Variants in PTPRU observed in about 807,000 individuals in gnomAD.
PTPRU encodes protein tyrosine phosphatase receptor type U.
Under a neutral mutation model 166.3 loss-of-function variants are expected in PTPRU, and 69 were observed. That is an observed-to-expected ratio of 0.41 (90% CI 0.34 to 0.51). The LOEUF is 0.51. Ranked by LOEUF, PTPRU falls within the 20% of genes least tolerant of loss-of-function variation. PTPRU has a pLI of 0.09. For synonymous variants in PTPRU, 793 were observed against 814.0 expected, an observed-to-expected ratio of 0.97 and a Z score of 0.44; for missense variants, 1,657 against 2,013.7, an observed-to-expected ratio of 0.82 and a Z score of 3.39.
At chr1:29,282,336 A>T (rs1686116446) in intron 11 of PTPRU, among the ~76,000 whole-genome samples, 1 of 152,190 alleles carries the variant, frequency 6.6e-6, no homozygotes. Flanking sequence ...CTCATGGAGG[A>T]AGCAGGCTGG....
At position 29,305,357 on chromosome 1, in the gene PTPRU, C is replaced by A. The variant is rs761326912; in HGVS notation, c.2749C>A (p.Arg917=). 1 of 1,613,812 alleles carries A rather than the reference C, an allele frequency of 6.2e-7. No homozygotes were observed. Among genetic ancestry groups the A allele is most frequent in the Non-Finnish European group, 8.5e-7 (1 of 1,180,026 alleles). The change falls in exon 18 of 30, where the codon CGG becomes AGG. Residue 917 remains arginine, a synonymous_variant. Coordinates refer to ENST00000373779, the MANE Select transcript of PTPRU (RefSeq NM_133178.4). ...CACCTGCTCTGTGTTTACAGATGAT[C>A]GGCACCGAGTGAAACTGCACCCGAT... ...SRQEPMPAYD[R]HRVKLHPMLG... is the part of the protein sequence containing the mutation.
Position 29,257,287 on chromosome 1 carries a change from A to G in PTPRU, c.206-1218A>G, listed in dbSNP as rs1684813918. Among the ~76,000 whole-genome samples, 1 of 152,018 alleles carries G rather than the reference A, an allele frequency of 6.6e-6. No homozygotes were observed. The highest frequency in any genetic ancestry group is 1.5e-5 in the Non-Finnish European group (1 of 67,968). ...GAGAAGTGCCCCTTCCTGGGTGGGG[A>G]TGGGGACTTGAGTTTAGTTTACTAC... On this transcript the variant is annotated intron_variant, in intron 2 of 29. Coordinates refer to ENST00000373779, the MANE Select transcript of PTPRU (RefSeq NM_133178.4). This position sits in a 1 kb window ranked among gnomAD's most constrained non-coding sequence, Gnocchi z 4.6.
chr1:29,283,828 C>A, intron 12 of PTPRU, 112 bp from the exon 13 acceptor site: 1 of 1,306,550 alleles, frequency 7.7e-7, no homozygotes, highest in Non-Finnish European at 1.1e-6. Flanking sequence ...TTGATGCCAT[C>A]AGCACAAGAC....
At chr1:29,273,703 C>T (rs78166470) in intron 7 of PTPRU, among the ~76,000 whole-genome samples, 1 of 152,084 alleles carries the variant, frequency 6.6e-6, no homozygotes, top group Non-Finnish European at 1.5e-5. Context: ...GTGCCCAGCC[C>T]AGTTTCTTTA....
At position 29,271,998 on chromosome 1, in the gene PTPRU, G is replaced by C. The variant is rs555205440; in HGVS notation, c.1145-3450G>C. On this transcript the variant is annotated intron_variant, in intron 7 of 29. Transcript: ENST00000373779. This position sits in a 1 kb window ranked among gnomAD's most constrained non-coding sequence, Gnocchi z 4.4. The stretch of plus-strand genomic sequence containing the variant: ...GTAGACTCCCAGGACAGTGCACACA[G>C]GGCAGCCACCTCGGCTCTTGTAGAC... Among the ~76,000 whole-genome samples the C allele has an allele frequency of 2.6e-5, 4 of 152,224 alleles. No individual in the cohort carries two copies. The South Asian group carries it at 8.3e-4, about 32-fold the overall frequency.
intron 15 of PTPRU, among the ~76,000 whole-genome samples, chr1:29,301,503 C>T (rs1276105882): frequency 6.6e-6 from 1 of 152,114 alleles, no homozygotes; most frequent in Non-Finnish European, 1.5e-5. Context: ...TTAGAGTGTA[C>T]TTATTTTTTA....
chr1:29,318,214 G>A (rs756054948), intron 25 of PTPRU, among the ~76,000 whole-genome samples: 16 of 152,176 alleles, frequency 1.1e-4, no homozygotes, highest in Non-Finnish European at 2.1e-4. Flanking sequence ...GGGGACTTTG[G>A]CTGGGGAGAC....
In PTPRU at chr1:29,275,540, C is replaced by A; in HGVS notation, c.1237C>A (p.Arg413Ser). ...GGAACCACTGGGCTACAACGTGACG[C>A]GTTGCCACACCTATACTGTGTCGCT... ...QWEPLGYNVT[R>S]CHTYTVSLCY... Residue 413 changes from arginine to serine, a missense_variant, in exon 8 of 30, where the codon CGT becomes AGT. Coordinates refer to ENST00000373779, the MANE Select transcript of PTPRU (RefSeq NM_133178.4). The A allele has an allele frequency of 6.2e-7, 1 of 1,614,232 alleles. No homozygotes were observed.
Position 29,310,621 on chromosome 1 carries a change from A to G in PTPRU, c.2821-123A>G, listed in dbSNP as rs554133129. On this transcript the variant is annotated intron_variant, in intron 18 of 29. Transcript: ENST00000373779. ...TCATCCTGCTTAGGAGGTCCTAGGG[A>G]TGTGAGGGAGCAGTTCCCTGGTGGG... The G allele has an allele frequency of 2.3e-5, 23 of 1,009,830 alleles. No homozygotes were observed. The South Asian group carries it at 3.0e-4, about 13-fold the overall frequency. The allele number at this position is 1,009,830 out of a possible 1,614,324, so 62.6% of individuals were successfully genotyped here.
At chr1:29,272,639 G>C (rs1391881230) in intron 7 of PTPRU, among the ~76,000 whole-genome samples, 1 of 152,094 alleles carries the variant, frequency 6.6e-6, no homozygotes, top group Non-Finnish European at 1.5e-5. Flanking sequence ...GGGTGCGGTG[G>C]CTCAAGCCTG....
chr1:29,297,080 G>T (rs369582091), intron 15 of PTPRU, among the ~76,000 whole-genome samples: 44 of 146,028 alleles, frequency 3.0e-4, no homozygotes, highest in African/African-American at 9.7e-4. Flanking sequence ...TTGAAACAGG[G>T]TCTCACTGTG....
chr1:29,297,989 G>A (rs1686967458), intron 15 of PTPRU, among the ~76,000 whole-genome samples: 1 of 152,294 alleles, frequency 6.6e-6, no homozygotes, highest in East Asian at 1.9e-4. Flanking sequence ...TAGGCGCGGT[G>A]GCTCACACCT....
intron 7 of PTPRU, among the ~76,000 whole-genome samples, chr1:29,262,979 ATTATTTATTTAT>A (rs200241374): frequency 1.3e-5 from 2 of 151,776 alleles, no homozygotes; most frequent in Non-Finnish European, 2.9e-5. Context: ...CATTTATTTT[ATTATTTATTTAT>A]TTATTTATTA....
chr1:29,296,976 T>C (rs565431226), intron 15 of PTPRU, among the ~76,000 whole-genome samples: 1 of 152,174 alleles, frequency 6.6e-6, no homozygotes, highest in South Asian at 2.1e-4. Flanking sequence ...GTTATGCACT[T>C]ATTAATCATA....
At chr1:29,314,345 AGTT>A (rs1687801100) in intron 22 of PTPRU, among the ~76,000 whole-genome samples, 1 of 152,180 alleles carries the variant, frequency 6.6e-6, no homozygotes, top group East Asian at 1.9e-4. Flanking sequence ...GGTTGTGCTA[AGTT>A]AAGCCCCACC....
chr1:29,272,929 A>G (rs1370296239), intron 7 of PTPRU, among the ~76,000 whole-genome samples: 1 of 142,042 alleles, frequency 7.0e-6, no homozygotes, highest in East Asian at 1.9e-4. Flanking sequence ...AAAAAAAAAG[A>G]AAAAAAAATG....
In PTPRU at chr1:29,279,375, C is replaced by G. The variant is rs1685955947; in HGVS notation, c.1564-81C>G. 6.8e-7 allele frequency: 1 copy of G among 1,462,016 alleles called. No individual in the cohort carries two copies. The highest frequency in any genetic ancestry group is 9.6e-7 in the Non-Finnish European group (1 of 1,045,648). 90.6% of individuals were successfully genotyped at this position (1,462,016 alleles called of 1,614,324 possible). A position where few individuals can be genotyped will look rare whatever the true frequency, so the allele number is the denominator to read the frequency against. ...TTGCTTAGCCTTATCTCTCACTTCC[C>G]TGGGACATGGTGGGTGGAGGCTGCT... On this transcript the variant is annotated intron_variant, in intron 9 of 29. Transcript: ENST00000373779. This position sits in a 1 kb window ranked among gnomAD's most constrained non-coding sequence, Gnocchi z 5.2.
At chr1:29,241,579 TTTTCTTCTTCTTC>T (rs1684057221) in intron 1 of PTPRU, among the ~76,000 whole-genome samples, 1 of 149,280 alleles carries the variant, frequency 6.7e-6, no homozygotes, top group South Asian at 2.1e-4. Flanking sequence ...TATTTTTTTT[TTTTCTTCTTCTTC>T]TTCTTCTTCT....
In PTPRU at chr1:29,280,956, C is replaced by T. The variant is rs1291076988; in HGVS notation, c.1868+815C>T. ...ACTCAGAGCCTGAATCACTTGCCCT[C>T]AAGGCCACACAGCTAGTAAGTGGTG... On this transcript the variant is annotated intron_variant, in intron 11 of 29. Transcript: ENST00000373779. The surrounding 1 kb of genome is among the most constrained non-coding windows in gnomAD (Gnocchi z 4.2). 1.3e-5 allele frequency among the ~76,000 whole-genome samples: 2 copies of T among 152,180 alleles called. No homozygotes were observed. The highest frequency in any genetic ancestry group is 4.8e-5 in the African/African-American group (2 of 41,428).
Sources: gnomAD v4.1 joint callset for allele counts (sites outside exome capture counted in the v4.1 genomes callset) on GRCh38, gnomAD v4.1.1 for gene constraint, Gnocchi (gnomAD v3.1) non-coding constraint, MANE v1.5 for transcripts, NCBI Gene and HGNC (gene_info 2026-07-23, HGNC 2026-07-21) for gene names.